PCDHA8: variants seen among roughly 807,000 people sequenced by gnomAD.
The protein encoded by PCDHA8 is protocadherin alpha-8.
A neutral mutation model predicts 61.8 loss-of-function variants in PCDHA8; 53 were observed. The observed-to-expected ratio is 0.86, with a 90% CI of 0.69 to 1.08. PCDHA8 has a LOEUF of 1.08. PCDHA8 is among the 50% of genes least tolerant of loss of function. The probability of loss-of-function intolerance (pLI) is 0.00; values close to 1 mark genes in which losing one functional copy is unlikely to be tolerated. For missense variants in PCDHA8, 1,293 were observed against 1,245.0 expected (o/e 1.04, Z -0.58); for synonymous variants, 618 against 556.6 (o/e 1.11, Z -1.55).
intron 1 of PCDHA8, among the ~76,000 whole-genome samples, chr5:140,963,771 G>A (rs2095789886): frequency 6.6e-6 from 1 of 152,164 alleles, no homozygotes; most frequent in South Asian, 2.1e-4. Context: ...ATTTCATGAC[G>A]ACAGCAACAA....
chr5:140,964,964 C>A (rs1035701368), intron 1 of PCDHA8, among the ~76,000 whole-genome samples: 1 of 152,094 alleles, frequency 6.6e-6, no homozygotes, highest in Non-Finnish European at 1.5e-5. Flanking sequence ...GTTGGTGGAA[C>A]GAAGGGATGT....
intron 1 of PCDHA8, chr5:140,870,062 A>G (rs1554163774): frequency 5.0e-6 from 8 of 1,613,902 alleles, no homozygotes; most frequent in South Asian, 3.3e-5. Context: ...ATTGAAGTAC[A>G]GGCTACAGAT....
intron 1 of PCDHA8, among the ~76,000 whole-genome samples, chr5:140,939,692 A>T (rs2092437980): frequency 6.6e-6 from 1 of 152,222 alleles, no homozygotes; most frequent in African/African-American, 2.4e-5. Context: ...GTGTTGCTGG[A>T]CATTATCATT....
intron 1 of PCDHA8, chr5:140,870,165 G>T (rs1223679164): frequency 1.2e-6 from 2 of 1,614,138 alleles, no homozygotes; most frequent in Non-Finnish European, 1.7e-6. Context: ...TGACTTCCTT[G>T]TCCCTCCCAG....
rs549444106 is a variant in PCDHA8 at position 140,953,999 on chromosome 5, T to C, written c.2395-24950T>C. Among the ~76,000 whole-genome samples the C allele has an allele frequency of 1.1e-4, 16 of 152,294 alleles. No homozygotes were observed. In the South Asian group the frequency reaches 3.3e-3, roughly 32 times the overall value. ...CCCTTCATATTTTCATGTGTACTCA[T>C]CATTCAGCTCCCACACATAGTGGGA... is the stretch of plus-strand genomic sequence containing the variant. On this transcript the variant is annotated intron_variant, in intron 1 of 3. Transcript: ENST00000531613.
intron 1 of PCDHA8, chr5:140,877,311 G>T: frequency 6.2e-7 from 1 of 1,613,970 alleles, no homozygotes. Flanking sequence ...AGTTGCAACC[G>T]GCGGCGGTCG....
chr5:140,880,416 C>T lies in PCDHA8; in HGVS notation c.2394+36701C>T, dbSNP rs188503917. ...AAGAGCATATGGTTGACCTTAAAAG[C>T]GGGAACAGTTTTTCCTTACAACTAG... On this transcript the variant is annotated intron_variant, in intron 1 of 3. Coordinates refer to ENST00000531613, the MANE Select transcript of PCDHA8 (RefSeq NM_018911.3). Among the ~76,000 whole-genome samples, 429 of 152,140 alleles carry T rather than the reference C, an allele frequency of 2.8e-3. 2 individuals carry two copies. Among genetic ancestry groups the T allele is most frequent in the Middle Eastern group, 0.014 (4 of 294 alleles).
At chr5:140,985,072 A>C (rs2097134751) in intron 3 of PCDHA8, among the ~76,000 whole-genome samples, 1 of 151,864 alleles carries the variant, frequency 6.6e-6, no homozygotes, top group Admixed American at 6.6e-5. Flanking sequence ...TGAGTAGCTG[A>C]GACTACAGGC....
chr5:140,873,412 T>C (rs2054273798), intron 1 of PCDHA8, among the ~76,000 whole-genome samples: 1 of 152,210 alleles, frequency 6.6e-6, no homozygotes, highest in Non-Finnish European at 1.5e-5. Context: ...GGTTAAAATT[T>C]TGTAAATTAT....
intron 1 of PCDHA8, chr5:140,967,145 A>C: frequency 1.2e-6 from 2 of 1,610,892 alleles, no homozygotes; most frequent in Non-Finnish European, 8.5e-7. Context: ...GCTGGCGCAC[A>C]ACCCCGTGGC....
At chr5:140,974,931 A>G (rs555720345) in intron 1 of PCDHA8, among the ~76,000 whole-genome samples, 1 of 152,324 alleles carries the variant, frequency 6.6e-6, no homozygotes, top group African/African-American at 2.4e-5. Context: ...TGTTTAAAAC[A>G]CCACCTATTT....
chr5:140,977,342 T>C (rs1554238451), intron 1 of PCDHA8, among the ~76,000 whole-genome samples: 3 of 152,222 alleles, frequency 2.0e-5, no homozygotes, highest in Non-Finnish European at 4.4e-5. Context: ...GAGACGGTGA[T>C]GATGACTGAT....
intron 1 of PCDHA8, chr5:140,929,052 C>G (rs1379551578): frequency 6.2e-7 from 1 of 1,614,058 alleles, no homozygotes; most frequent in African/African-American, 1.3e-5. Context: ...GCTGCTGTCG[C>G]TCTACAGAGG....
chr5:140,876,330 A>G, intron 1 of PCDHA8: 2 of 1,614,042 alleles, frequency 1.2e-6, no homozygotes, highest in Admixed American at 1.7e-5. Flanking sequence ...TGATTTTGCC[A>G]GTGAGTGAGA....
intron 1 of PCDHA8, chr5:140,870,140 C>G: frequency 6.2e-7 from 1 of 1,614,040 alleles, no homozygotes; most frequent in Non-Finnish European, 8.5e-7. Flanking sequence ...AACGATAACT[C>G]TCCTGAAGTC....
rs1472769366 is a variant in PCDHA8, at chr5:140,928,640, T to C, written c.2395-50309T>C. On this transcript the variant is annotated intron_variant, in intron 1 of 3. Transcript: ENST00000531613. ...AGGACTGGACACTTGGTCACAAAAG[T>C]GGTAGCAGAGGATGCTGACAGTGGT... The C allele has an allele frequency of 1.2e-6, 2 of 1,614,096 alleles. No individual in the cohort carries two copies. Among genetic ancestry groups the C allele is most frequent in the African/African-American group, 2.7e-5 (2 of 74,930 alleles).
rs370111655 is a variant in PCDHA8, at chr5:140,902,185, TTCTC to T, written c.2394+58482_2394+58485del. Reference sequence around the variant, plus strand: ...TTCTAATTTGGATGTCCTTTATGTCTTCTCTCTCTCTCTCTTTCTTTTTTTTTTT... The same window carrying T: ...TTCTAATTTGGATGTCCTTTATGTCTTCTCTCTCTCTTTCTTTTTTTTTTT... On this transcript the variant is annotated intron_variant, in intron 1 of 3. Coordinates refer to ENST00000531613, the MANE Select transcript of PCDHA8 (RefSeq NM_018911.3). Among the ~76,000 whole-genome samples, 704 of 150,894 alleles carry T rather than the reference TTCTC, an allele frequency of 4.7e-3. 6 individuals carry two copies. Among genetic ancestry groups the T allele is most frequent in the African/African-American group, 0.015 (608 of 41,076 alleles).
chr5:140,927,440 C>G (rs782460713), intron 1 of PCDHA8: 2 of 1,614,168 alleles, frequency 1.2e-6, no homozygotes, highest in East Asian at 4.5e-5. Flanking sequence ...AGCGAATACC[C>G]GGAGTTGGTG....
intron 3 of PCDHA8, among the ~76,000 whole-genome samples, chr5:140,996,245 G>A (rs2097718426): frequency 6.6e-6 from 1 of 152,220 alleles, no homozygotes; most frequent in South Asian, 2.1e-4. Context: ...AGGCTGAGAA[G>A]TGACAGCAAC....
Sources: allele counts gnomAD v4.1 joint callset (sites outside exome capture counted in the v4.1 genomes callset), GRCh38; gene constraint gnomAD v4.1.1; transcripts MANE v1.5; gene names NCBI Gene and HGNC (gene_info 2026-07-23, HGNC 2026-07-21).